Variants in ACER1 observed in about 807,000 individuals in gnomAD.
ACER1 encodes CTB-180A7.3.
A neutral mutation model predicts 24.9 loss-of-function variants in ACER1; 28 were observed. That is an observed-to-expected ratio of 1.13 (90% confidence interval 0.83 to 1.54). The LOEUF (loss-of-function observed/expected upper bound fraction) is 1.54. Ranked by LOEUF, ACER1 falls within the 40% of genes most tolerant of loss-of-function variation. The pLI, the probability that ACER1 is intolerant of heterozygous loss-of-function variation, is 0.00. For synonymous variants in ACER1, 132 were observed against 131.4 expected (o/e 1.00, Z -0.03); for missense variants, 352 against 349.3 (o/e 1.01, Z -0.06).
the ACER1 span, among the ~76,000 whole-genome samples, chr19:6,356,018 G>A: frequency 7.9e-5 from 12 of 151,598 alleles, no homozygotes; most frequent in African/African-American, 2.9e-4. Flanking sequence ...TGGCGGTTTG[G>A]TGGAATAGAA....
the ACER1 span, among the ~76,000 whole-genome samples, chr19:6,350,588 A>AAAAGAAGG: frequency 7.2e-6 from 1 of 139,512 alleles, no homozygotes; most frequent in Non-Finnish European, 1.6e-5. Context: ...AAGAAAGAAG[A>AAAAGAAGG]GAAAAGAAAG....
chr19:6,335,161 T>G (rs140618015), upstream of ACER1, among the ~76,000 whole-genome samples: 7,575 of 143,646 alleles, frequency 0.053, 421 homozygotes, highest in African/African-American at 0.15. Flanking sequence ...TAATTAATAT[T>G]ATATATTATA....
intron 1 of ACER1, among the ~76,000 whole-genome samples, chr19:6,316,968 CTTT>C (rs71174911): frequency 1.7e-5 from 2 of 117,212 alleles, no homozygotes; most frequent in Admixed American, 8.9e-5. Context: ...CCCTCCCCAT[CTTT>C]TTTTTTTTTT....
At chr19:6,359,265 G>A in the ACER1 span, among the ~76,000 whole-genome samples, 2 of 151,190 alleles carry the variant, frequency 1.3e-5, no homozygotes, top group Non-Finnish European at 2.9e-5. Context: ...TTACTGCTTG[G>A]TAAACTTCTT....
intron 1 of ACER1, among the ~76,000 whole-genome samples, chr19:6,319,176 G>A (rs892569031): frequency 6.6e-6 from 1 of 152,196 alleles, no homozygotes; most frequent in Non-Finnish European, 1.5e-5. Context: ...GGCCAGCAGA[G>A]TCCAGCCAGG....
chr19:6,313,928 G>C (rs964950221), intron 1 of ACER1, among the ~76,000 whole-genome samples: 1 of 152,062 alleles, frequency 6.6e-6, no homozygotes, highest in Non-Finnish European at 1.5e-5. Context: ...AGGGCCAGTG[G>C]TTCAATTCTT....
At chr19:6,336,768 C>T (rs1400076371), upstream of ACER1, among the ~76,000 whole-genome samples, 1 of 142,150 alleles carries the variant, frequency 7.0e-6, no homozygotes, top group South Asian at 2.2e-4. Context: ...AGTAGTGAGC[C>T]GAGATCACGC....
chr19:6,309,678 A>C lies in ACER1; in HGVS notation c.488+19T>G, dbSNP rs547821425. On this transcript the variant is annotated intron_variant, in intron 4 of 5. Coordinates refer to ENST00000301452, the MANE Select transcript of ACER1 (RefSeq NM_133492.3). Reference sequence around the variant, plus strand: ...GGGGATGGGAGCCTCCTGCCCAGGCACCTGCAGCCTTCACTCACTTCCTGT... The same window carrying C: ...GGGGATGGGAGCCTCCTGCCCAGGCCCCTGCAGCCTTCACTCACTTCCTGT... The C allele has an allele frequency of 4.3e-6, 7 of 1,613,510 alleles. No individual in the cohort carries two copies. The South Asian group carries it at 7.7e-5, about 18-fold the overall frequency.
upstream of ACER1, among the ~76,000 whole-genome samples, chr19:6,334,195 C>G (rs2091703782): frequency 6.6e-6 from 1 of 152,068 alleles, no homozygotes; most frequent in South Asian, 2.1e-4. Context: ...CAGGCGCCCA[C>G]CGCCACGACC....
intron 1 of ACER1, among the ~76,000 whole-genome samples, chr19:6,324,175 G>A (rs1208053613): frequency 6.6e-6 from 1 of 151,456 alleles, no homozygotes; most frequent in Non-Finnish European, 1.5e-5. Context: ...CTCCTAAGTA[G>A]CTGGGATTAT....
At position 6,312,448 on chromosome 19, in the gene ACER1, G is replaced by C; in HGVS notation, c.145C>G (p.His49Asp). The C allele has an allele frequency of 3.1e-6, 5 of 1,614,026 alleles. No individual in the cohort carries two copies. The highest frequency in any genetic ancestry group is 4.2e-6 in the Non-Finnish European group (5 of 1,180,020). The change falls in exon 2 of 6, where the codon CAC becomes GAC. Residue 49 changes from histidine to aspartate, a missense_variant. Physicochemically the swap from His to Asp is moderately conservative, Grantham distance 81 (BLOSUM62 -1). Transcript: ENST00000301452. ...CGGGAGCGCTTCTGGGCATACGGGT[G>C]CATCAGGAGCATCATCAGTGGCCCG... is the stretch of plus-strand genomic sequence containing the variant. ...IFGPLMMLLM[H>D]PYAQKRSRYI...
At chr19:6,344,851 TTTTATTTTA>T in the ACER1 span, among the ~76,000 whole-genome samples, 1 of 151,894 alleles carries the variant, frequency 6.6e-6, no homozygotes, top group South Asian at 2.1e-4. Flanking sequence ...TTTTATTTTA[TTTTATTTTA>T]TTTATTTATT....
At chr19:6,347,968 G>A in the ACER1 span, among the ~76,000 whole-genome samples, 2 of 150,398 alleles carry the variant, frequency 1.3e-5, no homozygotes, top group African/African-American at 4.9e-5. Context: ...GGTGGGGGGC[G>A]GATCACCTGA....
Position 6,306,498 on chromosome 19 carries a change from C to T in ACER1, c.*216G>A, listed in dbSNP as rs558506081. ...GGGGGGGTCATGGAGGGGAGATGCACGAGACAGCCCCCCACAGTCACCAGG... is the reference window on the plus strand; with the variant it reads ...GGGGGGGTCATGGAGGGGAGATGCATGAGACAGCCCCCCACAGTCACCAGG... On this transcript the variant is annotated 3_prime_UTR_variant, in exon 6 of 6. Transcript: ENST00000301452. 2.1e-5 allele frequency: 11 copies of T among 526,936 alleles called. No individual in the cohort carries two copies. The highest frequency in any genetic ancestry group is 1.3e-4 in the South Asian group (4 of 30,398). 32.6% of individuals were successfully genotyped at this position (526,936 alleles called of 1,614,324 possible). A position where few individuals can be genotyped will look rare whatever the true frequency, so the allele number is the denominator to read the frequency against.
upstream of ACER1, among the ~76,000 whole-genome samples, chr19:6,335,224 C>CT (rs146932699): frequency 0.042 from 4,264 of 102,152 alleles, 226 homozygotes; most frequent in African/African-American, 0.075. Flanking sequence ...ATTTAACGTT[C>CT]TTTTTTTTTT....
At chr19:6,309,484 T>C (rs1307424033) in intron 4 of ACER1, among the ~76,000 whole-genome samples, 1 of 151,874 alleles carries the variant, frequency 6.6e-6, no homozygotes, top group Admixed American at 6.6e-5. Context: ...ATCACGCCCC[T>C]GCACTCCAGC....
chr19:6,353,554 G>T, the ACER1 span: 22 of 152,288 alleles, frequency 1.4e-4, no homozygotes, highest in Admixed American at 4.6e-4. Flanking sequence ...GGCTGGGCAT[G>T]GTGGCTCACA....
the ACER1 span, among the ~76,000 whole-genome samples, chr19:6,348,594 G>C: frequency 6.6e-6 from 1 of 151,922 alleles, no homozygotes; most frequent in Non-Finnish European, 1.5e-5. Flanking sequence ...TCCATTTACA[G>C]GAGACTAGTT....
chr19:6,309,903 G>A, intron 3 of ACER1, 69 bp from the exon 4 acceptor site: 1 of 1,589,452 alleles, frequency 6.3e-7, no homozygotes, highest in Non-Finnish European at 8.6e-7. Flanking sequence ...GTCACTTGGA[G>A]ATCCCGTGGC....
Sources: gnomAD v4.1 joint callset for allele counts (sites outside exome capture counted in the v4.1 genomes callset) on GRCh38, gnomAD v4.1.1 for gene constraint, MANE v1.5 for transcripts, NCBI Gene and HGNC (gene_info 2026-07-23, HGNC 2026-07-21) for gene names.